Variants in KCNIP4 observed in about 807,000 individuals in gnomAD.
KCNIP4 encodes Kv channel-interacting protein 4.
In KCNIP4, 12 loss-of-function variants were observed where a neutral mutation model predicts 34.0. The observed-to-expected ratio is 0.35, with a 90% CI of 0.23 to 0.57. The LOEUF (loss-of-function observed/expected upper bound fraction) is 0.57. Among genes scored for constraint, KCNIP4 ranks in the 20% least tolerant of loss-of-function variants. KCNIP4 has a pLI of 0.83. For synonymous variants in KCNIP4, 124 were observed against 102.2 expected (o/e 1.21, Z -1.29); for missense variants, 238 against 311.7 (o/e 0.76, Z 1.78).
intron 1 of KCNIP4, among the ~76,000 whole-genome samples, chr4:21,179,855 C>T (rs543086716): frequency 6.6e-6 from 1 of 152,200 alleles, no homozygotes; most frequent in South Asian, 2.1e-4. Context: ...TTTCTCTTAG[C>T]TATCTTTCTC....
intron 1 of KCNIP4, among the ~76,000 whole-genome samples, chr4:21,803,091 AAGAC>A (rs1431774516): frequency 6.6e-6 from 1 of 152,168 alleles, no homozygotes; most frequent in East Asian, 1.9e-4. Flanking sequence ...CCTGCTCCAG[AAGAC>A]AGACAAAGTG....
chr4:21,317,482 A>T (rs145446259), intron 1 of KCNIP4, among the ~76,000 whole-genome samples: 65 of 152,302 alleles, frequency 4.3e-4, no homozygotes, highest in African/African-American at 1.5e-3. Flanking sequence ...GGATTTTTCA[A>T]GGGGTTGTTA....
intron 1 of KCNIP4, among the ~76,000 whole-genome samples, chr4:21,232,068 CT>C (rs1758829703): frequency 6.6e-6 from 1 of 152,090 alleles, no homozygotes; most frequent in African/African-American, 2.4e-5. Flanking sequence ...GACAGGCGGC[CT>C]TGATTCACCA....
intron 1 of KCNIP4, among the ~76,000 whole-genome samples, chr4:21,000,388 C>T (rs1454603449): frequency 2.0e-5 from 3 of 150,292 alleles, no homozygotes; most frequent in East Asian, 2.0e-4. Flanking sequence ...ATAGATCTTA[C>T]TAAAAAAAGA....
intron 1 of KCNIP4, among the ~76,000 whole-genome samples, chr4:21,701,734 T>C (rs895139660): frequency 6.6e-6 from 1 of 152,126 alleles, no homozygotes; most frequent in African/African-American, 2.4e-5. Flanking sequence ...AGATGGAGTC[T>C]CACTCTGACA....
chr4:21,941,026 G>C (rs1481318001), intron 1 of KCNIP4, among the ~76,000 whole-genome samples: 2 of 151,892 alleles, frequency 1.3e-5, no homozygotes, highest in Non-Finnish European at 2.9e-5. Flanking sequence ...GTATGGGCTA[G>C]GCCATTTTTT....
At chr4:20,851,021 C>CACTAT (rs1720965929) in intron 2 of KCNIP4, among the ~76,000 whole-genome samples, 1 of 151,712 alleles carries the variant, frequency 6.6e-6, no homozygotes, top group South Asian at 2.1e-4. Flanking sequence ...ATAAATCTAA[C>CACTAT]AGTAACATAT....
At chr4:21,780,499 A>G (rs981910795) in intron 1 of KCNIP4, among the ~76,000 whole-genome samples, 1 of 152,106 alleles carries the variant, frequency 6.6e-6, no homozygotes, top group Non-Finnish European at 1.5e-5. Flanking sequence ...TGATGGTTTC[A>G]GGACTAGAGG....
intron 1 of KCNIP4, among the ~76,000 whole-genome samples, chr4:21,485,736 T>G (rs1032698789): frequency 2.0e-5 from 3 of 152,224 alleles, no homozygotes; most frequent in African/African-American, 7.2e-5. Flanking sequence ...CCACAGTGTT[T>G]AACACAATAT....
intron 1 of KCNIP4, among the ~76,000 whole-genome samples, chr4:21,008,527 TTTTTG>T (rs1482290429): frequency 2.1e-5 from 2 of 96,552 alleles, no homozygotes; most frequent in East Asian, 2.4e-4. Context: ...TTTGTTTTTG[TTTTTG>T]TTTTTTTTTG....
At chr4:20,752,979 A>G (rs903165132) in intron 4 of KCNIP4, 11 of 152,336 alleles carry the variant, frequency 7.2e-5, no homozygotes, top group South Asian at 4.1e-4. Context: ...TTCTCCGTCT[A>G]TGACCTCTTC....
chr4:20,892,192 T>C (rs763864309), intron 1 of KCNIP4, among the ~76,000 whole-genome samples: 16 of 152,202 alleles, frequency 1.1e-4, no homozygotes, highest in Non-Finnish European at 2.2e-4. Context: ...TGTTTTGTTA[T>C]GCTTGATTAT....
chr4:20,850,378 A>T (rs3765120), intron 3 of KCNIP4, 165 bp downstream of exon 3: 270,442 of 704,496 alleles, frequency 0.38, 54,099 homozygotes, highest in Admixed American at 0.48. Flanking sequence ...GCCACAGAGA[A>T]TCAAAGTCCA....
At chr4:21,523,077 A>G (rs1452145150) in intron 1 of KCNIP4, among the ~76,000 whole-genome samples, 1 of 152,190 alleles carries the variant, frequency 6.6e-6, no homozygotes, top group Middle Eastern at 3.4e-3. Context: ...GCAGAGAGCT[A>G]GCTAGCCCCT....
chr4:20,955,836 G>T (rs541549463), intron 1 of KCNIP4, among the ~76,000 whole-genome samples: 43 of 152,246 alleles, frequency 2.8e-4, no homozygotes, highest in African/African-American at 9.9e-4. Flanking sequence ...AGTTCTTTTA[G>T]TTCCATATTA....
At chr4:21,072,544 A>T (rs1201761759) in intron 1 of KCNIP4, among the ~76,000 whole-genome samples, 3 of 151,582 alleles carry the variant, frequency 2.0e-5, no homozygotes, top group Non-Finnish European at 4.4e-5. Context: ...TCTGGATATT[A>T]GTCCTTTGTC....
intron 1 of KCNIP4, among the ~76,000 whole-genome samples, chr4:21,801,316 C>T (rs1048973966): frequency 3.9e-5 from 6 of 152,084 alleles, no homozygotes; most frequent in African/African-American, 9.7e-5. Flanking sequence ...GACAAGACCC[C>T]GTTGAATTTA....
chr4:21,483,325 A>C (rs1310950461), intron 1 of KCNIP4, among the ~76,000 whole-genome samples: 1 of 152,044 alleles, frequency 6.6e-6, no homozygotes, highest in Non-Finnish European at 1.5e-5. Context: ...GACGTTTGTT[A>C]ATATGGTTTG....
At chr4:21,802,492 T>C (rs772199363) in intron 1 of KCNIP4, among the ~76,000 whole-genome samples, 4 of 152,144 alleles carry the variant, frequency 2.6e-5, no homozygotes, top group Non-Finnish European at 4.4e-5. Flanking sequence ...TATTTCCATA[T>C]TGCAGATAAG....
Sources: gnomAD v4.1 joint callset for allele counts (sites outside exome capture counted in the v4.1 genomes callset) on GRCh38, gnomAD v4.1.1 for gene constraint, MANE v1.5 for transcripts, NCBI Gene and HGNC (gene_info 2026-07-23, HGNC 2026-07-21) for gene names.